The following METTL21C variants were observed in gnomAD, a reference collection of about 807,000 sequenced individuals.
METTL21C encodes the protein methyltransferase 21C, AARS1 lysine.
In METTL21C, 21 loss-of-function variants were observed where a neutral mutation model predicts 25.9. The ratio of observed to expected loss-of-function variants is 0.81; its 90% CI spans 0.58 to 1.17. The LOEUF is 1.17. Among genes scored for constraint, METTL21C ranks in the 50% most tolerant of loss-of-function variants. METTL21C has a pLI of 0.00. For synonymous variants in METTL21C, 125 were observed against 124.7 expected, an observed-to-expected ratio of 1.00 and a Z score of -0.01; for missense variants, 312 against 315.1, an observed-to-expected ratio of 0.99 and a Z score of 0.07.
chr13:102,686,311 C>G lies in METTL21C; in HGVS notation c.515G>C (p.Trp172Ser), dbSNP rs568717028. The G allele has an allele frequency of 1.2e-6, 2 of 1,614,206 alleles. No individual in the cohort carries two copies. Among genetic ancestry groups the G allele is most frequent in the Admixed American group, 1.7e-5 (1 of 60,024 alleles). ...AAAGTTTTTGTCCAGGTCTTCCCCC[C>G]ATACCAGTTCTTTCACTTCAGGCAG... ...AHLPEVKELV[W>S]GEDLDKNFPK... The change falls in exon 4 of 4, where the codon TGG becomes TCG. Residue 172 changes from tryptophan to serine, a missense_variant. Trp to Ser is a radical substitution (Grantham distance 177, BLOSUM62 -3). Transcript: ENST00000267273.
Position 102,686,989 on chromosome 13 carries a change from A to C in METTL21C, c.351T>G (p.Leu117=), listed in dbSNP as rs1566387435. 1.2e-6 allele frequency: 2 copies of C among 1,614,166 alleles called. No homozygotes were observed. The highest frequency in any genetic ancestry group is 4.5e-5 in the East Asian group (2 of 44,880). Residue 117 remains leucine (L), a synonymous_variant, in exon 3 of 4, where the codon CTT becomes CTG. Coordinates refer to ENST00000267273, the MANE Select transcript of METTL21C (RefSeq NM_001010977.3). The part of the protein sequence containing the change: ...EELNFQDAKI[L]EIGAGPGLVS... ...CAAGGCCTGGTCCGGCACCAATTTCAAGTATTTTTGCATCTTGGAAATTCA... is the reference window on the plus strand; with the variant it reads ...CAAGGCCTGGTCCGGCACCAATTTCCAGTATTTTTGCATCTTGGAAATTCA...
At chr13:102,696,749 G>A (rs963446541), upstream of METTL21C, among the ~76,000 whole-genome samples, 1 of 152,140 alleles carries the variant, frequency 6.6e-6, no homozygotes, top group African/African-American at 2.4e-5. Context: ...GTTTGCAGGT[G>A]TGAGAAGGAA....
intron 3 of METTL21C, 40 bp from the exon 4 acceptor site, chr13:102,686,465 C>T (rs773689852): frequency 6.4e-7 from 1 of 1,574,634 alleles, no homozygotes; most frequent in African/African-American, 1.4e-5. Flanking sequence ...AACATCTGGG[C>T]AGTCACAGTG....
At chr13:102,702,316 A>G in the METTL21C span, among the ~76,000 whole-genome samples, 1 of 152,152 alleles carries the variant, frequency 6.6e-6, no homozygotes, top group Non-Finnish European at 1.5e-5. Context: ...TACATAATAC[A>G]CACATTAAAT....
intron 2 of METTL21C, among the ~76,000 whole-genome samples, chr13:102,687,618 T>C (rs1885710935): frequency 6.6e-6 from 1 of 152,224 alleles, no homozygotes; most frequent in African/African-American, 2.4e-5. Context: ...GTTCAGAAAC[T>C]GCTTCTCAGA....
intron 2 of METTL21C, among the ~76,000 whole-genome samples, chr13:102,689,637 C>G (rs992817929): frequency 3.3e-5 from 5 of 152,176 alleles, no homozygotes; most frequent in African/African-American, 9.7e-5. Flanking sequence ...TGATCTGGAG[C>G]CTTTCTAATC....
Position 102,694,873 on chromosome 13 carries a change from T to TTCTCTCTCTCTCTCTCTCTCTC in METTL21C, c.-397_-376dup, listed in dbSNP as rs111474584. On this transcript the variant is annotated 5_prime_UTR_variant, in exon 1 of 4. Transcript: ENST00000267273. ...ATTACTTTGCTAGAATTCTCTCTCTTTCTCTCTCTCTCTCTCTCTCTCTCT... is the reference window on the plus strand; with the variant it reads ...ATTACTTTGCTAGAATTCTCTCTCTTTCTCTCTCTCTCTCTCTCTCTCTCTCTCTCTCTCTCTCTCTCTCTCT... 3.9e-5 allele frequency among the ~76,000 whole-genome samples: 5 copies of TTCTCTCTCTCTCTCTCTCTCTC among 128,296 alleles called. No homozygotes were observed. The highest frequency in any genetic ancestry group is 2.6e-4 in the South Asian group (1 of 3,908). 84.2% of individuals were successfully genotyped at this position (128,296 alleles called of 152,430 possible).
chr13:102,698,152 G>A (rs768546106), upstream of METTL21C, among the ~76,000 whole-genome samples: 2 of 152,154 alleles, frequency 1.3e-5, no homozygotes, highest in East Asian at 1.9e-4. Flanking sequence ...GAGGGTCCTC[G>A]ATAAATAAAT....
chr13:102,691,816 T>C (rs1190171770), intron 1 of METTL21C, among the ~76,000 whole-genome samples: 1 of 152,202 alleles, frequency 6.6e-6, no homozygotes, highest in Non-Finnish European at 1.5e-5. Context: ...TTACTATTGC[T>C]TTAAATACTC....
At position 102,686,420 on chromosome 13, in the gene METTL21C, G is replaced by T. The variant is rs141134679; in HGVS notation, c.406C>A (p.Gln136Lys). 32 of 1,606,264 alleles carry T rather than the reference G, an allele frequency of 2.0e-5. No individual in the cohort carries two copies. The East Asian group carries it at 6.2e-4, about 31-fold the overall frequency. ...TCAGGCAAATCTGTTGCTGTGACTT[G>T]AGCTCCTAAGAGAAAAAGAAAACAA... ...VSIVASILGA[Q>K]VTATDLPDVL... The change falls in exon 4 of 4, where the codon CAA becomes AAA. Residue 136 changes from glutamine (Q) to lysine (K), a missense_variant. Transcript: ENST00000267273.
upstream of METTL21C, among the ~76,000 whole-genome samples, chr13:102,696,764 G>A (rs1397314334): frequency 6.6e-6 from 1 of 152,186 alleles, no homozygotes; most frequent in Non-Finnish European, 1.5e-5. Flanking sequence ...AAGGAACCAA[G>A]AAGTCTGAAT....
chr13:102,703,562 T>C, the METTL21C span, among the ~76,000 whole-genome samples: 1 of 152,220 alleles, frequency 6.6e-6, no homozygotes, highest in African/African-American at 2.4e-5. Flanking sequence ...AAGATAGTTC[T>C]TGGCGCTTCT....
intron 1 of METTL21C, among the ~76,000 whole-genome samples, chr13:102,692,802 C>T (rs771527895): frequency 5.3e-5 from 8 of 152,164 alleles, no homozygotes; most frequent in East Asian, 1.9e-4. Context: ...TTGTCCTTTG[C>T]GGTCACCTGC....
Position 102,694,871 on chromosome 13 carries a change from C to T in METTL21C, c.-373G>A, listed in dbSNP as rs941208406. On this transcript the variant is annotated 5_prime_UTR_variant, in exon 1 of 4. Coordinates refer to ENST00000267273, the MANE Select transcript of METTL21C (RefSeq NM_001010977.3). ...ACATTACTTTGCTAGAATTCTCTCT[C>T]TTTCTCTCTCTCTCTCTCTCTCTCT... is the stretch of plus-strand genomic sequence containing the variant. Among the ~76,000 whole-genome samples, 4 of 123,718 alleles carry T rather than the reference C, an allele frequency of 3.2e-5. No homozygotes were observed. Among genetic ancestry groups the T allele is most frequent in the Non-Finnish European group, 4.8e-5 (3 of 62,416 alleles). The allele number at this position is 123,718 out of a possible 152,430, so 81.2% of individuals were successfully genotyped here. A position where few individuals can be genotyped will look rare whatever the true frequency, so the allele number is the denominator to read the frequency against.
chr13:102,698,472 A>G (rs998055855), upstream of METTL21C, among the ~76,000 whole-genome samples: 8 of 152,186 alleles, frequency 5.3e-5, no homozygotes, highest in African/African-American at 1.7e-4. Flanking sequence ...AGAGATAACA[A>G]CTAGAACCTT....
At chr13:102,698,552 G>A (rs1048738973), upstream of METTL21C, among the ~76,000 whole-genome samples, 3 of 152,034 alleles carry the variant, frequency 2.0e-5, no homozygotes, top group African/African-American at 7.2e-5. Flanking sequence ...CACATCAGCA[G>A]GTCTGAAGGA....
rs1174553593 is a variant in METTL21C at position 102,690,971 on chromosome 13, A to G, written c.131-7T>C. The G allele has an allele frequency of 2.5e-6, 4 of 1,613,236 alleles. No homozygotes were observed. The South Asian group carries it at 3.3e-5, about 13-fold the overall frequency. Reference sequence around the variant, plus strand: ...GGTTCTATCTTGTTGGATTCTGTGAAGCAGAAAAATAAAATGGAGTTCATG... The same window carrying G: ...GGTTCTATCTTGTTGGATTCTGTGAGGCAGAAAAATAAAATGGAGTTCATG... On this transcript the variant is annotated splice_region_variant and splice_polypyrimidine_tract_variant and intron_variant, in intron 1 of 3. Coordinates refer to ENST00000267273, the MANE Select transcript of METTL21C (RefSeq NM_001010977.3).
At chr13:102,695,579 T>G (rs1015987114), upstream of METTL21C, among the ~76,000 whole-genome samples, 5 of 152,236 alleles carry the variant, frequency 3.3e-5, no homozygotes, top group African/African-American at 1.2e-4. Context: ...TTTTTGTTTT[T>G]GTACCCACCC....
chr13:102,693,589 G>T (rs1446767347), intron 1 of METTL21C, among the ~76,000 whole-genome samples: 1 of 152,200 alleles, frequency 6.6e-6, no homozygotes, highest in Non-Finnish European at 1.5e-5. Flanking sequence ...CAAATATTAA[G>T]CTTGACAGCT....
Sources: gnomAD v4.1 joint callset for allele counts (sites outside exome capture counted in the v4.1 genomes callset) on GRCh38, gnomAD v4.1.1 for gene constraint, MANE v1.5 for transcripts, NCBI Gene and HGNC (gene_info 2026-07-23, HGNC 2026-07-21) for gene names.